The following DRC1 variants were observed in gnomAD, a reference collection of about 807,000 sequenced individuals.
DRC1 encodes dynein regulatory complex protein 1.
A neutral mutation model predicts 98.7 loss-of-function variants in DRC1; 74 were observed. The ratio of observed to expected loss-of-function variants is 0.75; its 90% confidence interval spans 0.62 to 0.91. The LOEUF (loss-of-function observed/expected upper bound fraction) is 0.91. Among genes scored for constraint, DRC1 ranks in the 40% least tolerant of loss-of-function variants. DRC1 has a pLI of 0.00. For synonymous variants in DRC1, 336 were observed against 334.1 expected (o/e 1.01, Z -0.06); for missense variants, 875 against 886.0 (o/e 0.99, Z 0.16).
chr2:26,437,899 G>A (rs1663613856), intron 7 of DRC1, among the ~76,000 whole-genome samples: 1 of 151,648 alleles, frequency 6.6e-6, no homozygotes, highest in South Asian at 2.1e-4. Flanking sequence ...GACAAGCCTG[G>A]CCAACATGGT....
intron 4 of DRC1, among the ~76,000 whole-genome samples, chr2:26,427,260 C>T (rs980215806): frequency 5.9e-5 from 9 of 151,878 alleles, no homozygotes; most frequent in South Asian, 2.1e-4. Flanking sequence ...GGGATTAAAG[C>T]GCACATCACC....
intron 8 of DRC1, among the ~76,000 whole-genome samples, chr2:26,443,305 C>T (rs1381818861): frequency 6.6e-6 from 1 of 152,158 alleles, no homozygotes; most frequent in Non-Finnish European, 1.5e-5. Context: ...GAAGTATGGG[C>T]CTGGGTCTAA....
chr2:26,441,186 T>C (rs1282491059), intron 8 of DRC1, among the ~76,000 whole-genome samples: 1 of 152,190 alleles, frequency 6.6e-6, no homozygotes, highest in African/African-American at 2.4e-5. Flanking sequence ...TTTCAGACCA[T>C]TGTGCTAGGC....
intron 2 of DRC1, among the ~76,000 whole-genome samples, chr2:26,414,763 TG>T (rs1678741697): frequency 6.6e-6 from 1 of 152,192 alleles, no homozygotes; most frequent in African/African-American, 2.4e-5. Context: ...TTACCTAATT[TG>T]GGCCTTCCAC....
chr2:26,430,078 C>T (rs1026555816), intron 5 of DRC1, among the ~76,000 whole-genome samples: 2 of 152,022 alleles, frequency 1.3e-5, no homozygotes, highest in East Asian at 1.9e-4. Context: ...TATTATTTTA[C>T]AGGTGGTAAT....
chr2:26,427,679 A>T (rs1218147979), intron 4 of DRC1, among the ~76,000 whole-genome samples: 1 of 152,120 alleles, frequency 6.6e-6, no homozygotes, highest in Non-Finnish European at 1.5e-5. Context: ...CATTCTAACT[A>T]TATTTTTGTG....
At position 26,401,996 on chromosome 2, in the gene DRC1, C is replaced by T. The variant is rs759091863; in HGVS notation, c.7C>T (p.Pro3Ser). The stretch of plus-strand genomic sequence containing the variant: ...GGGACCAGGGACTCCTGCCATGAAT[C>T]CGCCGGGGTCCCTAGAGGCCCTGGA... The part of the protein sequence containing the change: MN[P>S]PGSLEALDPN... Residue 3 changes from proline to serine, a missense_variant, in exon 1 of 17, where the codon CCG becomes TCG. Physicochemically the swap from Pro to Ser is moderately conservative, Grantham distance 74. Coordinates refer to ENST00000288710, the MANE Select transcript of DRC1 (RefSeq NM_145038.5). The T allele has an allele frequency of 3.7e-6, 6 of 1,604,098 alleles. No individual in the cohort carries two copies. The Admixed American group carries it at 8.5e-5, about 23-fold the overall frequency.
At chr2:26,402,785 C>G (rs1678294719) in intron 1 of DRC1, among the ~76,000 whole-genome samples, 1 of 152,196 alleles carries the variant, frequency 6.6e-6, no homozygotes, top group African/African-American at 2.4e-5. Context: ...GGGTTGATTG[C>G]CCACCGTCTG....
rs1678560260 is a variant in DRC1, at chr2:26,410,244, A to ATT, written c.156-4100_156-4099insTT. ...AAAAAAGGTAGAAACTTATAGAGAA[A>ATT]ATATTATTATTATTATTATTATTAT... On this transcript the variant is annotated intron_variant, in intron 1 of 16. Transcript: ENST00000288710. Among the ~76,000 whole-genome samples the ATT allele has an allele frequency of 3.4e-5, 4 of 117,686 alleles. No homozygotes were observed. The South Asian group carries it at 9.6e-4, about 28-fold the overall frequency. 77.2% of individuals were successfully genotyped at this position (117,686 alleles called of 152,430 possible).
chr2:26,453,444 G>A lies in DRC1; in HGVS notation c.1814G>A (p.Gly605Glu), dbSNP rs1664059401. 1.9e-6 allele frequency: 3 copies of A among 1,614,116 alleles called. No individual in the cohort carries two copies. Among genetic ancestry groups the A allele is most frequent in the East Asian group, 4.5e-5 (2 of 44,880 alleles). Residue 605 changes from glycine to glutamate, a missense_variant, in exon 14 of 17, where the codon GGG becomes GAG. By Grantham distance (98) the Gly-to-Glu change is moderately conservative (BLOSUM62 -2). Transcript: ENST00000288710. ...EGEKEESLVEGEKEEEEETPP... is the reference protein window; with the variant it reads ...EGEKEESLVEEEKEEEEETPP... Reference sequence around the variant, plus strand: ...GAAAAGGAAGAAAGCCTGGTGGAAGGGGAGAAGGAGGAAGAGGAGGAGACC... The same window carrying A: ...GAAAAGGAAGAAAGCCTGGTGGAAGAGGAGAAGGAGGAAGAGGAGGAGACC...
chr2:26,424,433 A>G lies in DRC1; in HGVS notation c.519A>G (p.Lys173=). 6.2e-7 allele frequency: 1 copy of G among 1,611,540 alleles called. No homozygotes were observed. The highest frequency in any genetic ancestry group is 8.5e-7 in the Non-Finnish European group (1 of 1,178,648). The change falls in exon 4 of 17, where the codon AAA becomes AAG. Residue 173 remains lysine, a synonymous_variant. Transcript: ENST00000288710. ...CTGGACTCTTAGAAGATAAGAATAA[A>G]CTCATCAGCGAGTTACAGCAGGCAA... is the stretch of plus-strand genomic sequence containing the variant. ...HCAGLLEDKN[K]LISELQQELK...
chr2:26,434,726 C>T (rs550338217), intron 7 of DRC1, among the ~76,000 whole-genome samples: 2 of 151,942 alleles, frequency 1.3e-5, no homozygotes, highest in East Asian at 1.9e-4. Context: ...CACGTCTCTA[C>T]TAAAAATACA....
At position 26,450,011 on chromosome 2, in the gene DRC1, A is replaced by AG. The variant is rs1446475264; in HGVS notation, c.1526dup (p.Ser509ArgfsTer14). 1 of 1,613,824 alleles carries AG rather than the reference A, an allele frequency of 6.2e-7. No homozygotes were observed. Among genetic ancestry groups the AG allele is most frequent in the South Asian group, 1.1e-5 (1 of 91,030 alleles). On this transcript the variant is annotated frameshift_variant, in exon 12 of 17. Transcript: ENST00000288710. LOFTEE classifies it high-confidence loss of function. ...TTCTCCCCAGGGGTTCCTCATAGAG[A>AG]GCAAGCTGCTGAGCCTTCTCCTGCC...
rs746746916 is a variant in DRC1, at chr2:26,450,662, G to A, written c.1670G>A (p.Arg557His). The A allele has an allele frequency of 1.1e-5, 18 of 1,611,508 alleles. No homozygotes were observed. Among genetic ancestry groups the A allele is most frequent in the African/African-American group, 4.0e-5 (3 of 74,858 alleles). ...TTCTTCCTTAAATATCGAGCTCACC[G>A]TTTATCTTCCAGCCTCCAGGTAAGG... ...VNFFLKYRAHRLSSSLQIKPC... is the reference protein window; with the variant it reads ...VNFFLKYRAHHLSSSLQIKPC... Residue 557 changes from arginine to histidine, a missense_variant, in exon 13 of 17, where the codon CGT becomes CAT. Physicochemically the swap from Arg to His is conservative, Grantham distance 29. Coordinates refer to ENST00000288710, the MANE Select transcript of DRC1 (RefSeq NM_145038.5).
At chr2:26,455,875 G>T (rs989296618) in intron 16 of DRC1, among the ~76,000 whole-genome samples, 1 of 152,232 alleles carries the variant, frequency 6.6e-6, no homozygotes, top group South Asian at 2.1e-4. Flanking sequence ...CCTGCTCTGC[G>T]GGTGTGGGCA....
intron 7 of DRC1, among the ~76,000 whole-genome samples, chr2:26,438,401 GA>G (rs1663629088): frequency 1.3e-5 from 2 of 152,102 alleles, no homozygotes; most frequent in African/African-American, 2.4e-5. Context: ...TTTTTACAAA[GA>G]AAAATGTATA....
chr2:26,424,442 C>T lies in DRC1; in HGVS notation c.528C>T (p.Ser176=), dbSNP rs780717600. The T allele has an allele frequency of 9.3e-6, 15 of 1,607,156 alleles. No individual in the cohort carries two copies. The highest frequency in any genetic ancestry group is 6.7e-5 in the East Asian group (3 of 44,734). Residue 176 remains serine (S), a synonymous_variant, in exon 4 of 17, where the codon AGC becomes AGT. Coordinates refer to ENST00000288710, the MANE Select transcript of DRC1 (RefSeq NM_145038.5). ...GLLEDKNKLI[S]ELQQELKTKD... The stretch of plus-strand genomic sequence containing the variant: ...TAGAAGATAAGAATAAACTCATCAG[C>T]GAGTTACAGCAGGCAAGAGGCCCGG...
intron 1 of DRC1, among the ~76,000 whole-genome samples, chr2:26,412,218 T>C (rs984361640): frequency 1.3e-5 from 2 of 151,788 alleles, no homozygotes; most frequent in Non-Finnish European, 2.9e-5. Flanking sequence ...GAGATGGAAG[T>C]CAGAGTTAGA....
intron 16 of DRC1, 75 bp from the exon 17 acceptor site, chr2:26,456,386 C>A: frequency 1.3e-6 from 2 of 1,587,976 alleles, no homozygotes; most frequent in Non-Finnish European, 1.7e-6. Flanking sequence ...ATGGGAGAGC[C>A]AGCGTGGCTC....
Sources: allele counts gnomAD v4.1 joint callset (sites outside exome capture counted in the v4.1 genomes callset), GRCh38; gene constraint gnomAD v4.1.1; transcripts MANE v1.5; gene names NCBI Gene and HGNC (gene_info 2026-07-23, HGNC 2026-07-21).